The following MYO1D variants were observed in gnomAD, a reference collection of about 807,000 sequenced individuals.
MYO1D encodes the protein unconventional myosin-Id.
Under a neutral mutation model 122.0 loss-of-function variants are expected in MYO1D, and 83 were observed. The ratio of observed to expected loss-of-function variants is 0.68; its 90% CI spans 0.57 to 0.82. The LOEUF (loss-of-function observed/expected upper bound fraction) is 0.82. Ranked by LOEUF, MYO1D falls within the 40% of genes least tolerant of loss-of-function variation. The pLI is 0.00. For synonymous variants in MYO1D, 464 were observed against 446.9 expected, an observed-to-expected ratio of 1.04 and a Z score of -0.48; for missense variants, 1,157 against 1,269.5, an observed-to-expected ratio of 0.91 and a Z score of 1.35.
At chr17:32,560,023 A>G (rs961234738) in intron 21 of MYO1D, among the ~76,000 whole-genome samples, 9 of 152,114 alleles carry the variant, frequency 5.9e-5, no homozygotes, top group East Asian at 1.9e-4. Flanking sequence ...TTGGGAGGCC[A>G]AGGCGGGCAG....
Position 32,605,258 on chromosome 17 carries a change from C to A in MYO1D, c.2710-17G>T. 6.5e-7 allele frequency: 1 copy of A among 1,536,574 alleles called. No individual in the cohort carries two copies. Among genetic ancestry groups the A allele is most frequent in the South Asian group, 1.3e-5 (1 of 79,154 alleles). ...ACCAGTCAACTGCAAAGAGAAAATG[C>A]ATGGAAAACTATTTGGATCATTCTC... On this transcript the variant is annotated splice_polypyrimidine_tract_variant and intron_variant, in intron 20 of 21. Coordinates refer to ENST00000318217, the MANE Select transcript of MYO1D (RefSeq NM_015194.3).
At position 32,870,213 on chromosome 17, in the gene MYO1D, A is replaced by G. The variant is rs574077085; in HGVS notation, c.95+6565T>C. Among the ~76,000 whole-genome samples the G allele has an allele frequency of 2.6e-5, 4 of 152,360 alleles. No individual in the cohort carries two copies. The South Asian group carries it at 8.3e-4, about 32-fold the overall frequency. The stretch of plus-strand genomic sequence containing the variant: ...TATGAAGCCAATGTACAAAACAGGC[A>G]GAGAGCAAACTGTCCTTTTCCAAAG... On this transcript the variant is annotated intron_variant, in intron 1 of 21. Coordinates refer to ENST00000318217, the MANE Select transcript of MYO1D (RefSeq NM_015194.3).
At chr17:32,726,126 A>C (rs2089569567) in intron 14 of MYO1D, among the ~76,000 whole-genome samples, 1 of 152,218 alleles carries the variant, frequency 6.6e-6, no homozygotes, top group Non-Finnish European at 1.5e-5. Flanking sequence ...ATGGAAGGTC[A>C]ACAATATAGG....
intron 19 of MYO1D, among the ~76,000 whole-genome samples, chr17:32,648,536 G>A (rs1243310133): frequency 1.3e-5 from 2 of 152,186 alleles, no homozygotes; most frequent in Non-Finnish European, 2.9e-5. Flanking sequence ...GAAAGACCAA[G>A]GCATGATTAG....
intron 16 of MYO1D, among the ~76,000 whole-genome samples, chr17:32,692,706 C>A (rs2089119952): frequency 1.3e-5 from 2 of 152,024 alleles, no homozygotes; most frequent in Admixed American, 6.6e-5. Flanking sequence ...GCAACAGGGG[C>A]AGGGTGGTAG....
chr17:32,653,164 A>G (rs1360174849), intron 19 of MYO1D, among the ~76,000 whole-genome samples: 1 of 151,982 alleles, frequency 6.6e-6, no homozygotes, highest in Non-Finnish European at 1.5e-5. Flanking sequence ...TAAATAAAAG[A>G]AATAATGTAG....
At chr17:32,513,812 C>T (rs149976136) in intron 21 of MYO1D, among the ~76,000 whole-genome samples, 20 of 151,868 alleles carry the variant, frequency 1.3e-4, no homozygotes, top group Admixed American at 2.6e-4. Context: ...CCACCCCAAA[C>T]GCCTTAAGAT....
At chr17:32,518,874 A>G (rs1909994241) in intron 21 of MYO1D, 1 of 152,258 alleles carries the variant, frequency 6.6e-6, no homozygotes, top group Admixed American at 6.5e-5. Context: ...GAGGTCCTGG[A>G]AATTCTGCTT....
chr17:32,646,956 A>T (rs2088303779), intron 19 of MYO1D, among the ~76,000 whole-genome samples: 4 of 152,240 alleles, frequency 2.6e-5, no homozygotes, highest in Admixed American at 2.6e-4. Flanking sequence ...ACTTAAATTC[A>T]TATAGTAATA....
At chr17:32,653,133 C>T (rs2088420220) in intron 19 of MYO1D, among the ~76,000 whole-genome samples, 3 of 149,580 alleles carry the variant, frequency 2.0e-5, no homozygotes, top group East Asian at 4.0e-4. Flanking sequence ...CAGAATGAGA[C>T]TCCGTCTCAA....
intron 20 of MYO1D, among the ~76,000 whole-genome samples, chr17:32,619,752 TA>T (rs1319743681): frequency 2.0e-5 from 3 of 152,226 alleles, no homozygotes; most frequent in Non-Finnish European, 4.4e-5. Context: ...TCCTCTCTCT[TA>T]AAATACCAAC....
rs1567938107 is a variant in MYO1D, at chr17:32,666,043, C to T, written c.2122-6705G>A. Among the ~76,000 whole-genome samples the T allele has an allele frequency of 3.3e-5, 5 of 152,306 alleles. No individual in the cohort carries two copies. In the South Asian group the frequency reaches 1.0e-3, roughly 32 times the overall value. The stretch of plus-strand genomic sequence containing the variant: ...CCCTAAGTTCAGAACTTCTCTAAAT[C>T]CTGTTCAATTTACTCAGACAAGAAA... On this transcript the variant is annotated intron_variant, in intron 16 of 21. Coordinates refer to ENST00000318217, the MANE Select transcript of MYO1D (RefSeq NM_015194.3).
chr17:32,864,025 T>C (rs2091102076), intron 1 of MYO1D, among the ~76,000 whole-genome samples: 1 of 104,424 alleles, frequency 9.6e-6, no homozygotes, highest in African/African-American at 3.0e-5. Flanking sequence ...TTTTTTTTTT[T>C]TTTTTTTTTT....
At chr17:32,600,496 C>T (rs1030838962) in intron 21 of MYO1D, among the ~76,000 whole-genome samples, 1 of 152,220 alleles carries the variant, frequency 6.6e-6, no homozygotes, top group Admixed American at 6.5e-5. Flanking sequence ...ATTATCTTAG[C>T]TAGATCTTCT....
intron 1 of MYO1D, among the ~76,000 whole-genome samples, chr17:32,809,588 G>A (rs968239696): frequency 2.6e-5 from 4 of 152,174 alleles, no homozygotes; most frequent in Non-Finnish European, 4.4e-5. Context: ...ACAGGCATGT[G>A]CCACTATGCC....
intron 1 of MYO1D, among the ~76,000 whole-genome samples, chr17:32,868,748 A>G (rs1319290739): frequency 6.6e-6 from 1 of 152,222 alleles, no homozygotes; most frequent in Admixed American, 6.5e-5. Context: ...AATGAGGCTT[A>G]GGGAAGCCTA....
At chr17:32,717,076 T>C (rs1181591571) in intron 15 of MYO1D, among the ~76,000 whole-genome samples, 1 of 152,234 alleles carries the variant, frequency 6.6e-6, no homozygotes, top group Non-Finnish European at 1.5e-5. Flanking sequence ...GTAGAAAATA[T>C]TATCTTTTCT....
intron 21 of MYO1D, among the ~76,000 whole-genome samples, chr17:32,515,744 G>A (rs1909869637): frequency 6.6e-6 from 1 of 152,188 alleles, no homozygotes; most frequent in Admixed American, 6.5e-5. Flanking sequence ...TAAGTAGCAG[G>A]TGGTGGGGGA....
intron 1 of MYO1D, among the ~76,000 whole-genome samples, chr17:32,822,712 G>A (rs1484877858): frequency 5.3e-5 from 8 of 150,966 alleles, no homozygotes; most frequent in African/African-American, 1.9e-4. Flanking sequence ...TCTTTCCTCC[G>A]CACGGGTCGA....
Sources: allele counts gnomAD v4.1 joint callset (sites outside exome capture counted in the v4.1 genomes callset), GRCh38; gene constraint gnomAD v4.1.1; transcripts MANE v1.5; gene names NCBI Gene and HGNC (gene_info 2026-07-23, HGNC 2026-07-21).